LOXHD1: variants seen among roughly 807,000 people sequenced by gnomAD.
LOXHD1 encodes lipoxygenase homology domain-containing protein 1.
In LOXHD1, 205 loss-of-function variants were observed where a neutral mutation model predicts 248.2. The ratio of observed to expected loss-of-function variants is 0.83; its 90% CI spans 0.74 to 0.93. LOXHD1 has a LOEUF of 0.93. Ranked by LOEUF, LOXHD1 falls within the 40% of genes least tolerant of loss-of-function variation. The pLI is 0.00. For missense variants in LOXHD1, 2,930 were observed against 2,971.6 expected, an observed-to-expected ratio of 0.99 and a Z score of 0.33; for synonymous variants, 1,113 against 1,162.8, an observed-to-expected ratio of 0.96 and a Z score of 0.87.
Position 46,524,453 on chromosome 18 carries a change from C to G in LOXHD1, c.4876+13G>C. On this transcript the variant is annotated intron_variant, in intron 31 of 40. Coordinates refer to ENST00000642948, the MANE Select transcript of LOXHD1 (RefSeq NM_001384474.1). ...GCCTGGCCCCCGTCCAAAGAGCTCCCTGGTTGGCTTACTTGGGCCCTCTTG... is the reference window on the plus strand; with the variant it reads ...GCCTGGCCCCCGTCCAAAGAGCTCCGTGGTTGGCTTACTTGGGCCCTCTTG... 1 of 1,545,888 alleles carries G rather than the reference C, an allele frequency of 6.5e-7. No homozygotes were observed. The highest frequency in any genetic ancestry group is 8.8e-7 in the Non-Finnish European group (1 of 1,142,078).
chr18:46,479,256 G>GTC (rs2032331936), intron 40 of LOXHD1, among the ~76,000 whole-genome samples: 1 of 149,686 alleles, frequency 6.7e-6, no homozygotes, highest in African/African-American at 2.4e-5. Context: ...GTGTGTGTGT[G>GTC]TGTGTGTGTG....
rs1176160701 is a variant in LOXHD1, at chr18:46,547,069, G to T, written c.3351-11C>A. The T allele has an allele frequency of 1.3e-6, 2 of 1,551,668 alleles. No homozygotes were observed. Among genetic ancestry groups the T allele is most frequent in the East Asian group, 2.4e-5 (1 of 40,922 alleles). On this transcript the variant is annotated splice_polypyrimidine_tract_variant and intron_variant, in intron 21 of 40. Coordinates refer to ENST00000642948, the MANE Select transcript of LOXHD1 (RefSeq NM_001384474.1). Reference sequence around the variant, plus strand: ...CATGGAAAGTAGTACCTGTGGGGGTGGATAGGGAAAGATTGGAATGTCCTC... The same window carrying T: ...CATGGAAAGTAGTACCTGTGGGGGTTGATAGGGAAAGATTGGAATGTCCTC...
intron 38 of LOXHD1, among the ~76,000 whole-genome samples, chr18:46,487,829 G>GCCAAGTCTCGGCTAGAGCCAC (rs2033173266): frequency 6.6e-6 from 1 of 152,216 alleles, no homozygotes; most frequent in African/African-American, 2.4e-5. Flanking sequence ...TCTGGAGACA[G>GCCAAGTCTCGGCTAGAGCCAC]CCAAGTCTCG....
Position 46,572,165 on chromosome 18 carries a change from G to A in LOXHD1, c.1971-3C>T. ...CATCCTTATCCTTGTCCAACCACCT[G>A]GTGGGCAAATGGGGGAATGTTAGCT... is the stretch of plus-strand genomic sequence containing the variant. On this transcript the variant is annotated splice_region_variant and splice_polypyrimidine_tract_variant and intron_variant, in intron 14 of 40. Coordinates refer to ENST00000642948, the MANE Select transcript of LOXHD1 (RefSeq NM_001384474.1). 1 of 1,551,768 alleles carries A rather than the reference G, an allele frequency of 6.4e-7. No individual in the cohort carries two copies. Among genetic ancestry groups the A allele is most frequent in the Non-Finnish European group, 8.7e-7 (1 of 1,146,958 alleles).
chr18:46,487,895 C>T (rs1212657587), intron 38 of LOXHD1, among the ~76,000 whole-genome samples: 3 of 152,158 alleles, frequency 2.0e-5, no homozygotes, highest in African/African-American at 7.2e-5. Flanking sequence ...CCTTTTGCTA[C>T]AGCCAGCTTA....
At chr18:46,653,392 T>C (rs980415812) in intron 1 of LOXHD1, among the ~76,000 whole-genome samples, 3 of 152,230 alleles carry the variant, frequency 2.0e-5, no homozygotes, top group Non-Finnish European at 4.4e-5. Flanking sequence ...CACAGGCATG[T>C]GCATATGTAA....
intron 2 of LOXHD1, among the ~76,000 whole-genome samples, chr18:46,643,418 T>G (rs1010924836): frequency 1.3e-5 from 2 of 152,166 alleles, no homozygotes; most frequent in Non-Finnish European, 2.9e-5. Context: ...TAGCTCCTGA[T>G]GAAGAGCAAG....
intron 1 of LOXHD1, among the ~76,000 whole-genome samples, chr18:46,652,147 G>A (rs2039119583): frequency 6.6e-6 from 1 of 152,176 alleles, no homozygotes; most frequent in African/African-American, 2.4e-5. Context: ...ACTTTATCAT[G>A]TCATTTATAT....
At chr18:46,591,069 C>G (rs1334868008) in intron 12 of LOXHD1, among the ~76,000 whole-genome samples, 2 of 152,114 alleles carry the variant, frequency 1.3e-5, no homozygotes, top group Non-Finnish European at 2.9e-5. Flanking sequence ...ACTGGGTGTG[C>G]AAATGCAGTG....
intron 13 of LOXHD1, among the ~76,000 whole-genome samples, chr18:46,578,594 A>T (rs533536537): frequency 5.6e-4 from 86 of 152,330 alleles, no homozygotes; most frequent in Non-Finnish European, 5.0e-4. Flanking sequence ...CCAAGAATCG[A>T]GCCAGCCTGG....
chr18:46,591,902 C>A, intron 12 of LOXHD1, 31 bp downstream of exon 12: 1 of 1,551,048 alleles, frequency 6.4e-7, no homozygotes, highest in Non-Finnish European at 8.7e-7. Flanking sequence ...GTTCCACTGC[C>A]TCCCAGGATG....
At position 46,639,683 on chromosome 18, in the gene LOXHD1, C is replaced by T; in HGVS notation, c.444G>A (p.Lys148=). Residue 148 remains lysine, a synonymous_variant, in exon 4 of 41, where the codon AAG becomes AAA. Transcript: ENST00000642948. Reference sequence around the variant, plus strand: ...GGCACCACTGGCGGTCACCTTCCACCTTGCTCAGCCAGTTGTTGCAGTTGA... The same window carrying T: ...GGCACCACTGGCGGTCACCTTCCACTTTGCTCAGCCAGTTGTTGCAGTTGA... ...YYFNCNNWLS[K]VEGDRQWCRD... is the part of the protein sequence containing the mutation. The T allele has an allele frequency of 6.4e-7, 1 of 1,551,770 alleles. No individual in the cohort carries two copies. Among genetic ancestry groups the T allele is most frequent in the Non-Finnish European group, 8.7e-7 (1 of 1,147,012 alleles).
At chr18:46,528,571 G>A (rs531916352) in intron 29 of LOXHD1, among the ~76,000 whole-genome samples, 1 of 152,272 alleles carries the variant, frequency 6.6e-6, no homozygotes, top group Non-Finnish European at 1.5e-5. Flanking sequence ...GTGATCAACA[G>A]GCCAGGTCAA....
intron 34 of LOXHD1, among the ~76,000 whole-genome samples, chr18:46,511,991 C>A (rs977988993): frequency 6.6e-6 from 1 of 152,184 alleles, no homozygotes; most frequent in African/African-American, 2.4e-5. Context: ...TGCCTTTAGC[C>A]TTCAAACTCC....
At chr18:46,524,017 T>C (rs1394493812) in intron 31 of LOXHD1, among the ~76,000 whole-genome samples, 2 of 152,236 alleles carry the variant, frequency 1.3e-5, no homozygotes, top group Non-Finnish European at 2.9e-5. Flanking sequence ...GGAACTCTGA[T>C]ATTGTTTTAT....
chr18:46,505,445 AGTT>A (rs1186947046), intron 37 of LOXHD1, among the ~76,000 whole-genome samples: 9 of 152,202 alleles, frequency 5.9e-5, no homozygotes, highest in Non-Finnish European at 1.3e-4. Context: ...GGCCTCCCAA[AGTT>A]CTGGGATTAC....
At chr18:46,486,230 A>C (rs959886719) in intron 38 of LOXHD1, among the ~76,000 whole-genome samples, 14 of 152,192 alleles carry the variant, frequency 9.2e-5, no homozygotes. Context: ...CCCTTGCTGC[A>C]GTACCTGGAT....
Position 46,538,310 on chromosome 18 carries a change from G to A in LOXHD1, c.3941C>T (p.Thr1314Ile), listed in dbSNP as rs182125538. The A allele has an allele frequency of 1.5e-4, 237 of 1,550,802 alleles. 1 individual carries two copies. In the African/African-American group the frequency reaches 2.3e-3, roughly 15 times the overall value. ...TGTCCCAGCAGCAAAGACATCACTG[G>A]TGTAGAGGGTGATCTCGTAAGGAAC... ...PFVPYEITLY[T>I]SDVFAAGTDA... The change falls in exon 26 of 41, where the codon ACC (threonine) becomes ATC (isoleucine). Residue 1314 changes from threonine (T) to isoleucine (I), a missense_variant. Coordinates refer to ENST00000642948, the MANE Select transcript of LOXHD1 (RefSeq NM_001384474.1).
At chr18:46,591,906 C>A in intron 12 of LOXHD1, 27 bp downstream of exon 12, 2 of 1,551,254 alleles carry the variant, frequency 1.3e-6, no homozygotes, top group Non-Finnish European at 1.7e-6. Context: ...CACTGCCTCC[C>A]AGGATGGAGA....
Sources: gnomAD v4.1 joint callset for allele counts (sites outside exome capture counted in the v4.1 genomes callset) on GRCh38, gnomAD v4.1.1 for gene constraint, MANE v1.5 for transcripts, NCBI Gene and HGNC (gene_info 2026-07-23, HGNC 2026-07-21) for gene names.